TMC5: variants seen among roughly 807,000 people sequenced by gnomAD.
TMC5 encodes the protein transmembrane channel-like protein 5.
A neutral mutation model predicts 110.5 loss-of-function variants in TMC5; 86 were observed. The ratio of observed to expected loss-of-function variants is 0.78; its 90% CI spans 0.65 to 0.93. The LOEUF (loss-of-function observed/expected upper bound fraction) is 0.93. TMC5 is among the 40% of genes least tolerant of loss of function. The probability of loss-of-function intolerance (pLI) is 0.00; values close to 1 mark genes in which losing one functional copy is unlikely to be tolerated. For missense variants in TMC5, 1,144 were observed against 1,222.8 expected, an observed-to-expected ratio of 0.94 and a Z score of 0.96; for synonymous variants, 455 against 439.5, an observed-to-expected ratio of 1.04 and a Z score of -0.44.
At chr16:19,424,814 T>G (rs1007717036) in intron 1 of TMC5, among the ~76,000 whole-genome samples, 1 of 152,158 alleles carries the variant, frequency 6.6e-6, no homozygotes, top group Non-Finnish European at 1.5e-5. Context: ...CTCCAATCTC[T>G]TCATTGAGGG....
chr16:19,414,810 CTGAG>C (rs545737564), upstream of TMC5, among the ~76,000 whole-genome samples: 77 of 152,198 alleles, frequency 5.1e-4, 1 homozygote, highest in Non-Finnish European at 8.2e-4. Flanking sequence ...CCTTGGGAAG[CTGAG>C]GCAGGAGGAT....
At position 19,440,746 on chromosome 16, in the gene TMC5, C is replaced by T. The variant is rs192120229; in HGVS notation, c.708C>T (p.Ser236=). The T allele has an allele frequency of 3.1e-3, 5,080 of 1,614,162 alleles. 17 individuals carry two copies. The highest frequency in any genetic ancestry group is 7.6e-3 in the Middle Eastern group (46 of 6,062). ...CTGAGGACAATCAGAACTTGCCAAG[C>T]ACTTGGAGAGAACCTGATTATTCAG... is the stretch of plus-strand genomic sequence containing the variant. ...PSAEDNQNLP[S]TWREPDYSDA... is the part of the protein sequence containing the mutation. Residue 236 remains serine (S), a synonymous_variant, in exon 3 of 22, where the codon AGC becomes AGT. Coordinates refer to ENST00000542583, the MANE Select transcript of TMC5 (RefSeq NM_001261841.2).
At chr16:19,431,357 A>G (rs1027521367) in intron 2 of TMC5, among the ~76,000 whole-genome samples, 2 of 152,082 alleles carry the variant, frequency 1.3e-5, no homozygotes, top group Non-Finnish European at 2.9e-5. Flanking sequence ...CCTGGCCAAC[A>G]TACTGAAACC....
intron 8 of TMC5, among the ~76,000 whole-genome samples, chr16:19,464,319 G>A (rs1357742503): frequency 6.6e-6 from 1 of 152,158 alleles, no homozygotes; most frequent in African/African-American, 2.4e-5. Context: ...GGCTACTCAG[G>A]AGGCTAAGGT....
chr16:19,486,668 G>A (rs796973696), intron 15 of TMC5, among the ~76,000 whole-genome samples: 7 of 152,140 alleles, frequency 4.6e-5, no homozygotes, highest in African/African-American at 1.7e-4. Flanking sequence ...ATAAGCCACC[G>A]TTCCTGGCCT....
At chr16:19,449,670 C>T in intron 5 of TMC5, 39 bp downstream of exon 5, 1 of 1,564,128 alleles carries the variant, frequency 6.4e-7, no homozygotes, top group South Asian at 1.1e-5. Context: ...CCACCCAACT[C>T]TCATTTCAAA....
rs1392458738 is a variant in TMC5 at position 19,453,602 on chromosome 16, A to AG, written c.1048+3972dup. Among the ~76,000 whole-genome samples the AG allele has an allele frequency of 4.0e-5, 6 of 151,216 alleles. No individual in the cohort carries two copies. The East Asian group carries it at 1.2e-3, about 29-fold the overall frequency. On this transcript the variant is annotated intron_variant, in intron 5 of 21. Coordinates refer to ENST00000542583, the MANE Select transcript of TMC5 (RefSeq NM_001261841.2). ...AGACTCTGTCTCAAAAAAAAAAAAA[A>AG]GAAGAAAAAAGAAAAATTAGCCAGG...
intron 1 of TMC5, among the ~76,000 whole-genome samples, chr16:19,423,103 C>G (rs1967020798): frequency 6.6e-6 from 1 of 152,188 alleles, no homozygotes; most frequent in South Asian, 2.1e-4. Flanking sequence ...ACCCCTTCTC[C>G]TTTCTCTTCC....
At chr16:19,415,545 C>G (rs982011755), upstream of TMC5, among the ~76,000 whole-genome samples, 2 of 152,188 alleles carry the variant, frequency 1.3e-5, no homozygotes, top group Non-Finnish European at 2.9e-5. Flanking sequence ...TGTCTGGCCC[C>G]AAATGACAGT....
intron 9 of TMC5, among the ~76,000 whole-genome samples, chr16:19,467,136 C>G (rs1176611723): frequency 6.6e-6 from 1 of 151,438 alleles, no homozygotes; most frequent in Non-Finnish European, 1.5e-5. Flanking sequence ...ACTGGAGATC[C>G]TGTTTCAAAA....
intron 6 of TMC5, among the ~76,000 whole-genome samples, chr16:19,461,693 A>AT (rs1229134203): frequency 6.6e-6 from 1 of 152,208 alleles, no homozygotes; most frequent in African/African-American, 2.4e-5. Context: ...GTTTACATTA[A>AT]TTGTTGCTTA....
chr16:19,475,505 T>G (rs757909326), intron 12 of TMC5, among the ~76,000 whole-genome samples: 17 of 151,506 alleles, frequency 1.1e-4, no homozygotes, highest in Non-Finnish European at 2.4e-4. Context: ...CTTACCACGG[T>G]CTGTGAGATC....
At chr16:19,482,040 A>G (rs905970848) in intron 15 of TMC5, among the ~76,000 whole-genome samples, 2 of 152,116 alleles carry the variant, frequency 1.3e-5, no homozygotes, top group African/African-American at 4.8e-5. Flanking sequence ...ACCATAAGAA[A>G]TAAATTTCTG....
chr16:19,417,178 GGAGACCGAGA>G, upstream of TMC5, among the ~76,000 whole-genome samples: 1 of 151,332 alleles, frequency 6.6e-6, no homozygotes, highest in Non-Finnish European at 1.5e-5. Flanking sequence ...CAGCAGTTTT[GGAGACCGAGA>G]TGGGTGGATC....
chr16:19,479,918 ACT>A (rs1276685721), intron 14 of TMC5, among the ~76,000 whole-genome samples: 3 of 145,614 alleles, frequency 2.1e-5, no homozygotes, highest in Non-Finnish European at 3.0e-5. Flanking sequence ...AAATAGGAAG[ACT>A]CTGTCTCTAT....
Position 19,444,269 on chromosome 16 carries a change from A to G in TMC5, c.958+19A>G. On this transcript the variant is annotated intron_variant, in intron 4 of 21. Transcript: ENST00000542583. ...GGCTATGGTAAGCATTTGTTAAGCC[A>G]GGATCATATCCTGGGAAAAAACTGA... is the stretch of plus-strand genomic sequence containing the variant. The G allele has an allele frequency of 6.2e-7, 1 of 1,611,576 alleles. No homozygotes were observed. Among genetic ancestry groups the G allele is most frequent in the Non-Finnish European group, 8.5e-7 (1 of 1,178,824 alleles).
intron 18 of TMC5, among the ~76,000 whole-genome samples, chr16:19,491,136 A>C (rs1313938917): frequency 6.6e-6 from 1 of 151,984 alleles, no homozygotes; most frequent in Non-Finnish European, 1.5e-5. Flanking sequence ...TCAGCCCCCA[A>C]GTAGCTGGGC....
chr16:19,493,632 T>G (rs1030740841), intron 19 of TMC5, among the ~76,000 whole-genome samples: 1 of 152,142 alleles, frequency 6.6e-6, no homozygotes, highest in African/African-American at 2.4e-5. Flanking sequence ...AGCTAATTTT[T>G]GTATTTTTAG....
At chr16:19,442,754 T>TA (rs775203505) in intron 3 of TMC5, among the ~76,000 whole-genome samples, 5 of 152,206 alleles carry the variant, frequency 3.3e-5, no homozygotes, top group South Asian at 2.1e-4. Context: ...ATGAATTTGA[T>TA]AAAAAACTGG....
Sources: gnomAD v4.1 joint callset for allele counts (sites outside exome capture counted in the v4.1 genomes callset) on GRCh38, gnomAD v4.1.1 for gene constraint, MANE v1.5 for transcripts, NCBI Gene and HGNC (gene_info 2026-07-23, HGNC 2026-07-21) for gene names.